The following SLC2A13 variants were observed in gnomAD, a reference collection of about 807,000 sequenced individuals.
The protein encoded by SLC2A13 is solute carrier family 2 member 13, also known as proton myo-inositol cotransporter.
Under a neutral mutation model 64.4 loss-of-function variants are expected in SLC2A13, and 32 were observed. The ratio of observed to expected loss-of-function variants is 0.50; its 90% CI spans 0.37 to 0.67. The LOEUF is 0.67. SLC2A13 is among the 30% of genes least tolerant of loss of function. The pLI, the probability that SLC2A13 is intolerant of heterozygous loss-of-function variation, is 0.00. For synonymous variants in SLC2A13, 338 were observed against 327.1 expected (o/e 1.03, Z -0.36); for missense variants, 743 against 829.2 (o/e 0.90, Z 1.28).
chr12:40,089,772 C>G (rs1394127622), intron 1 of SLC2A13, among the ~76,000 whole-genome samples: 1 of 152,022 alleles, frequency 6.6e-6, no homozygotes, highest in Non-Finnish European at 1.5e-5. Flanking sequence ...AATACATTTC[C>G]TATGAATTTT....
intron 3 of SLC2A13, among the ~76,000 whole-genome samples, chr12:39,953,373 A>T (rs1204030020): frequency 6.6e-6 from 1 of 152,166 alleles, no homozygotes; most frequent in African/African-American, 2.4e-5. Context: ...TTTTGGTCCC[A>T]GCAGCTGCAC....
chr12:40,034,730 C>T (rs1044607685), intron 2 of SLC2A13, among the ~76,000 whole-genome samples: 2 of 152,032 alleles, frequency 1.3e-5, no homozygotes, highest in Non-Finnish European at 2.9e-5. Context: ...AAAATAAACT[C>T]AAAATCTTTT....
intron 4 of SLC2A13, among the ~76,000 whole-genome samples, chr12:39,929,436 A>T (rs1233283437): frequency 6.6e-6 from 1 of 151,998 alleles, no homozygotes; most frequent in African/African-American, 2.4e-5. Context: ...CTGTAATCCC[A>T]GCTACTCAGG....
At chr12:40,097,699 T>C (rs553249681) in intron 1 of SLC2A13, among the ~76,000 whole-genome samples, 1 of 152,302 alleles carries the variant, frequency 6.6e-6, no homozygotes, top group South Asian at 2.1e-4. Context: ...TCCATTAGGA[T>C]GGCCACTGTC....
intron 7 of SLC2A13, among the ~76,000 whole-genome samples, chr12:39,767,496 C>T (rs1051834651): frequency 1.4e-4 from 21 of 151,970 alleles, no homozygotes; most frequent in Admixed American, 1.1e-3. Flanking sequence ...TTAAAAGTCA[C>T]CAGCTGCATT....
intron 4 of SLC2A13, among the ~76,000 whole-genome samples, chr12:39,942,537 C>G (rs1325953338): frequency 6.6e-6 from 1 of 152,114 alleles, no homozygotes; most frequent in Non-Finnish European, 1.5e-5. Flanking sequence ...TATAGAAGAG[C>G]TACTGATTTG....
chr12:40,102,653 T>C (rs1939188099), intron 1 of SLC2A13, among the ~76,000 whole-genome samples: 1 of 152,218 alleles, frequency 6.6e-6, no homozygotes, highest in South Asian at 2.1e-4. Context: ...CTAAATATCA[T>C]AAGGACAAAA....
chr12:39,937,902 T>C (rs1474296545), intron 4 of SLC2A13, among the ~76,000 whole-genome samples: 1 of 152,198 alleles, frequency 6.6e-6, no homozygotes, highest in Non-Finnish European at 1.5e-5. Context: ...ACATATCTAA[T>C]ATTGAAGTGA....
At chr12:39,878,207 C>T (rs1376410817) in intron 4 of SLC2A13, among the ~76,000 whole-genome samples, 2 of 152,146 alleles carry the variant, frequency 1.3e-5, no homozygotes, top group East Asian at 1.9e-4. Flanking sequence ...CAAGAACAGC[C>T]TAATACAGAA....
intron 1 of SLC2A13, among the ~76,000 whole-genome samples, chr12:40,082,579 C>T (rs1037628482): frequency 6.6e-6 from 1 of 152,214 alleles, no homozygotes. Flanking sequence ...ATCAGACAGG[C>T]CCCTTCCCAT....
At chr12:40,078,291 A>G (rs1938258938) in intron 1 of SLC2A13, among the ~76,000 whole-genome samples, 1 of 152,210 alleles carries the variant, frequency 6.6e-6, no homozygotes, top group Non-Finnish European at 1.5e-5. Flanking sequence ...TGGGTCTGTC[A>G]TAAATGGCTC....
At chr12:39,808,929 T>C (rs1310589098) in intron 7 of SLC2A13, among the ~76,000 whole-genome samples, 1 of 152,044 alleles carries the variant, frequency 6.6e-6, no homozygotes, top group South Asian at 2.1e-4. Flanking sequence ...TGAACTCCAA[T>C]ATATCAATTT....
intron 1 of SLC2A13, among the ~76,000 whole-genome samples, chr12:40,102,295 T>C (rs914593674): frequency 2.6e-5 from 4 of 152,268 alleles, no homozygotes; most frequent in Non-Finnish European, 5.9e-5. Flanking sequence ...AAGTGTTGAA[T>C]AGATAATGAT....
intron 7 of SLC2A13, among the ~76,000 whole-genome samples, chr12:39,812,634 G>A (rs937558946): frequency 7.9e-5 from 12 of 151,002 alleles, no homozygotes; most frequent in African/African-American, 1.2e-4. Flanking sequence ...GGCTACGCCC[G>A]GCTGATTTGT....
chr12:39,952,962 A>G (rs1434755149), intron 3 of SLC2A13, among the ~76,000 whole-genome samples: 1 of 150,842 alleles, frequency 6.6e-6, no homozygotes, highest in African/African-American at 2.4e-5. Context: ...TCAAATAAAA[A>G]TAATAACATT....
chr12:39,845,717 G>T (rs1220801731), intron 6 of SLC2A13, among the ~76,000 whole-genome samples: 1 of 152,148 alleles, frequency 6.6e-6, no homozygotes, highest in African/African-American at 2.4e-5. Flanking sequence ...CAGCAACTCT[G>T]TGTAATCATT....
At chr12:40,103,895 A>G (rs1239582086) in intron 1 of SLC2A13, among the ~76,000 whole-genome samples, 3 of 152,242 alleles carry the variant, frequency 2.0e-5, no homozygotes, top group South Asian at 2.1e-4. Flanking sequence ...TGCCAACTTA[A>G]TATGTTACGG....
intron 3 of SLC2A13, among the ~76,000 whole-genome samples, chr12:39,960,935 T>TG (rs1214954341): frequency 1.3e-5 from 2 of 149,492 alleles, no homozygotes; most frequent in Non-Finnish European, 3.0e-5. Context: ...TTGGTAGAGA[T>TG]GGGGTTTCAC....
At chr12:39,767,641 A>G (rs893814628) in intron 7 of SLC2A13, among the ~76,000 whole-genome samples, 17 of 152,008 alleles carry the variant, frequency 1.1e-4, no homozygotes, top group Admixed American at 9.2e-4. Flanking sequence ...GTTGTTTAGT[A>G]TAGCCACCTG....
Sources: allele counts gnomAD v4.1 joint callset (sites outside exome capture counted in the v4.1 genomes callset), GRCh38; gene constraint gnomAD v4.1.1; transcripts MANE v1.5; gene names NCBI Gene and HGNC (gene_info 2026-07-23, HGNC 2026-07-21).